EPG5: variants seen among roughly 807,000 people sequenced by gnomAD.
EPG5 encodes the protein ectopic P-granules 5 autophagy tethering factor.
EPG5 carries 159 observed loss-of-function variants against 302.7 expected under a neutral mutation model. That is an observed-to-expected ratio of 0.53 (90% CI 0.46 to 0.60). The LOEUF is 0.60. Ranked by LOEUF, EPG5 falls within the 20% of genes least tolerant of loss-of-function variation. The pLI, the probability that EPG5 is intolerant of heterozygous loss-of-function variation, is 0.00. For synonymous variants in EPG5, 1,158 were observed against 1,136.8 expected (o/e 1.02, Z -0.37); for missense variants, 2,896 against 3,092.4 (o/e 0.94, Z 1.51).
chr18:45,897,595 A>G (rs565501655), intron 27 of EPG5, among the ~76,000 whole-genome samples: 3 of 152,310 alleles, frequency 2.0e-5, no homozygotes, highest in African/African-American at 7.2e-5. Context: ...AAGAAAACCA[A>G]CTGTATAAAG....
chr18:45,888,682 C>T (rs965216612), intron 28 of EPG5, among the ~76,000 whole-genome samples: 12 of 151,724 alleles, frequency 7.9e-5, no homozygotes, highest in East Asian at 1.9e-4. Context: ...TCAAGTGATC[C>T]GCCCACCTTG....
intron 39 of EPG5, among the ~76,000 whole-genome samples, chr18:45,863,053 G>A (rs1292795940): frequency 6.6e-6 from 1 of 152,078 alleles, no homozygotes. Flanking sequence ...ACACAGAGAT[G>A]AACATCTGGC....
intron 6 of EPG5, among the ~76,000 whole-genome samples, chr18:45,947,142 T>C (rs900075558): frequency 6.6e-6 from 1 of 152,074 alleles, no homozygotes; most frequent in Non-Finnish European, 1.5e-5. Context: ...AGGCTGGGCG[T>C]GGTGGCTCAC....
the EPG5 span, among the ~76,000 whole-genome samples, chr18:45,825,033 T>C: frequency 1.3e-5 from 2 of 151,832 alleles, no homozygotes; most frequent in African/African-American, 4.8e-5. Context: ...TGCTCCACAG[T>C]TGGGTCAACT....
the EPG5 span, among the ~76,000 whole-genome samples, chr18:45,808,938 C>A: frequency 1.3e-5 from 2 of 152,102 alleles, no homozygotes; most frequent in Admixed American, 6.6e-5. Context: ...TTAAAAGACA[C>A]AGAATTGCAG....
At position 45,862,325 on chromosome 18, in the gene EPG5, G is replaced by A. The variant is rs75484499; in HGVS notation, c.6767-1979C>T. On this transcript the variant is annotated intron_variant, in intron 39 of 43. Transcript: ENST00000282041. ...TACTGTCTTTGACTGTAATTTTGCC[G>A]TCTTTTTAAATAACTGTTTAATGCT... Among the ~76,000 whole-genome samples, 531 of 151,738 alleles carry A rather than the reference G, an allele frequency of 3.5e-3. 2 individuals are homozygous for A. Among genetic ancestry groups the A allele is most frequent in the African/African-American group, 0.012 (497 of 41,338 alleles).
intron 40 of EPG5, 31 bp from the exon 41 acceptor site, chr18:45,858,813 T>C (rs1849063938): frequency 4.0e-6 from 6 of 1,498,102 alleles, no homozygotes; most frequent in Admixed American, 1.7e-5. Flanking sequence ...CATCAAGATA[T>C]AGGCAAGAAT....
chr18:45,830,445 G>C, the EPG5 span, among the ~76,000 whole-genome samples: 2 of 152,186 alleles, frequency 1.3e-5, no homozygotes, highest in Non-Finnish European at 2.9e-5. Context: ...CTTTAGATTG[G>C]TCACTGCAAG....
chr18:45,805,512 T>C, the EPG5 span, among the ~76,000 whole-genome samples: 1 of 148,974 alleles, frequency 6.7e-6, no homozygotes, highest in African/African-American at 2.5e-5. Context: ...TGTATCAAAA[T>C]ATAATCAGAA....
At chr18:45,909,152 G>C (rs2049832290) in intron 23 of EPG5, among the ~76,000 whole-genome samples, 1 of 152,146 alleles carries the variant, frequency 6.6e-6, no homozygotes, top group Non-Finnish European at 1.5e-5. Context: ...CTCTGCAACA[G>C]CCAGTCCAGG....
In EPG5 at chr18:45,944,110, G is replaced by T; in HGVS notation, c.1687C>A (p.Pro563Thr). Residue 563 changes from proline (P) to threonine (T), a missense_variant, in exon 8 of 44, where the codon CCT becomes ACT. Pro to Thr is a conservative substitution (Grantham distance 38). Transcript: ENST00000282041. The stretch of plus-strand genomic sequence containing the variant: ...TTAAGGAGAATCCAACTGGTCTCAG[G>T]GTCTTCATCCTAAGGGAAAAGACAA... ...VDEGGEEDED[P>T]ETSWILLNED... 6.2e-7 allele frequency: 1 copy of T among 1,609,110 alleles called. No individual in the cohort carries two copies. The highest frequency in any genetic ancestry group is 8.5e-7 in the Non-Finnish European group (1 of 1,175,658).
At chr18:45,876,140 A>G (rs2048967516) in intron 35 of EPG5, 96 bp downstream of exon 35, 1 of 785,590 alleles carries the variant, frequency 1.3e-6, no homozygotes, top group African/African-American at 1.8e-5. Context: ...ATAACTGCCT[A>G]TTAAATAAAA....
At chr18:45,934,747 C>T (rs1239196114) in intron 11 of EPG5, 62 bp downstream of exon 11, 2 of 1,523,580 alleles carry the variant, frequency 1.3e-6, no homozygotes, top group Admixed American at 4.5e-5. Context: ...AAAAATTAAG[C>T]CCTGAAGAGA....
chr18:45,837,067 T>G, the EPG5 span: 13 of 1,599,512 alleles, frequency 8.1e-6, no homozygotes, highest in Non-Finnish European at 1.0e-5. Flanking sequence ...TACGGAGAAC[T>G]TGCTCAACAC....
intron 1 of EPG5, among the ~76,000 whole-genome samples, chr18:45,966,158 G>A (rs1301936939): frequency 6.6e-6 from 1 of 151,842 alleles, no homozygotes; most frequent in Non-Finnish European, 1.5e-5. Context: ...GGATCACGAG[G>A]TCAGGAGATC....
In EPG5 at chr18:45,954,391, T is replaced by C; in HGVS notation, c.1008+3A>G. ...AAATTCCCCAGGCTTCTGATCAAAA[T>C]ACCTGTACAGACATTTGTTCCTCCT... On this transcript the variant is annotated splice_donor_region_variant and intron_variant, in intron 2 of 43. Coordinates refer to ENST00000282041, the MANE Select transcript of EPG5 (RefSeq NM_020964.3). 6.3e-7 allele frequency: 1 copy of C among 1,590,268 alleles called. No homozygotes were observed.
At position 45,915,603 on chromosome 18, in the gene EPG5, A is replaced by C; in HGVS notation, c.3601T>G (p.Cys1201Gly). The C allele has an allele frequency of 6.2e-7, 1 of 1,614,178 alleles. No homozygotes were observed. Among genetic ancestry groups the C allele is most frequent in the Non-Finnish European group, 8.5e-7 (1 of 1,179,996 alleles). The change falls in exon 20 of 44, where the codon TGT becomes GGT. Residue 1201 changes from cysteine to glycine, a missense_variant. Cys to Gly is a radical substitution (Grantham distance 159). Coordinates refer to ENST00000282041, the MANE Select transcript of EPG5 (RefSeq NM_020964.3). ...QQHKNALGYH[C>G]DRSLLSSLVS... ...AAAGATGAGAGCAGACTCCGGTCAC[A>C]GTGGTAACCCAAGGCATTCTACACC...
At chr18:45,883,659 G>GT (rs141175493) in intron 30 of EPG5, among the ~76,000 whole-genome samples, 4,296 of 98,858 alleles carry the variant, frequency 0.043, 252 homozygotes, top group African/African-American at 0.15. Flanking sequence ...CAGGGTTTCT[G>GT]TGTTGGCCAG....
downstream of EPG5, among the ~76,000 whole-genome samples, chr18:45,844,636 T>C (rs903560303): frequency 3.8e-4 from 58 of 152,252 alleles, no homozygotes; most frequent in African/African-American, 1.3e-3. Flanking sequence ...CACAAGTTAT[T>C]ATGCAGGCCA....
Sources: allele counts gnomAD v4.1 joint callset (sites outside exome capture counted in the v4.1 genomes callset), GRCh38; gene constraint gnomAD v4.1.1; transcripts MANE v1.5; gene names NCBI Gene and HGNC (gene_info 2026-07-23, HGNC 2026-07-21).